Variants in STPG2 observed in about 807,000 individuals in gnomAD.
STPG2 encodes the protein sperm tail PG-rich repeat containing 2.
Under a neutral mutation model 54.2 loss-of-function variants are expected in STPG2, and 56 were observed. The observed-to-expected ratio is 1.03, with a 90% CI of 0.83 to 1.29. The LOEUF is 1.29. Ranked by LOEUF, STPG2 falls within the 50% of genes most tolerant of loss-of-function variation. The pLI is 0.00. For missense variants in STPG2, 596 were observed against 544.9 expected (o/e 1.09, Z -0.93); for synonymous variants, 200 against 181.8 (o/e 1.10, Z -0.81).
At chr4:97,880,171 T>C (rs777047699) in intron 8 of STPG2, among the ~76,000 whole-genome samples, 2 of 152,182 alleles carry the variant, frequency 1.3e-5, no homozygotes, top group Non-Finnish European at 2.9e-5. Context: ...AACTGGAAGA[T>C]ATTATGCTAA....
intron 7 of STPG2, among the ~76,000 whole-genome samples, chr4:97,969,652 G>A (rs933076646): frequency 6.6e-6 from 1 of 152,110 alleles, no homozygotes; most frequent in Non-Finnish European, 1.5e-5. Flanking sequence ...GGTATTGATG[G>A]CACGTATCTC....
intron 3 of STPG2, 30 bp downstream of exon 3, chr4:98,128,398 A>G (rs375989209): frequency 6.6e-7 from 1 of 1,518,360 alleles, no homozygotes; most frequent in Non-Finnish European, 8.8e-7. Context: ...ACAATTTTCC[A>G]ATTGTCAATA....
intron 10 of STPG2, among the ~76,000 whole-genome samples, chr4:97,640,347 CAT>C (rs1721724217): frequency 6.6e-6 from 1 of 151,898 alleles, no homozygotes; most frequent in Non-Finnish European, 1.5e-5. Flanking sequence ...TGCTATATTA[CAT>C]ATATATTTTT....
chr4:98,031,907 G>T (rs1313807463), intron 5 of STPG2, among the ~76,000 whole-genome samples: 4 of 151,888 alleles, frequency 2.6e-5, no homozygotes, highest in Non-Finnish European at 4.4e-5. Context: ...GTGGGCTAAG[G>T]ACATGAATAG....
At chr4:97,975,920 G>T (rs540952922) in intron 6 of STPG2, among the ~76,000 whole-genome samples, 29 of 152,124 alleles carry the variant, frequency 1.9e-4, no homozygotes, top group Non-Finnish European at 3.5e-4. Context: ...GCTGATTTAT[G>T]TTCTGGTAGA....
chr4:97,466,264 C>A (rs1729786415), intron 4 of STPG2, among the ~76,000 whole-genome samples: 1 of 151,940 alleles, frequency 6.6e-6, no homozygotes, highest in Admixed American at 6.6e-5. Context: ...TTTATACAGC[C>A]TTTCTGAGTG....
chr4:97,723,867 G>C (rs982115060), intron 9 of STPG2, among the ~76,000 whole-genome samples: 6 of 152,230 alleles, frequency 3.9e-5, no homozygotes, highest in South Asian at 2.1e-4. Flanking sequence ...AATGGCATAA[G>C]GGAAACTGTT....
chr4:97,825,420 G>A (rs767213054), intron 9 of STPG2, among the ~76,000 whole-genome samples: 9 of 152,186 alleles, frequency 5.9e-5, no homozygotes, highest in African/African-American at 1.2e-4. Context: ...CATGCTCTTC[G>A]ACACCTAGAA....
chr4:97,616,631 A>C (rs1052136544), intron 10 of STPG2, among the ~76,000 whole-genome samples: 1 of 152,088 alleles, frequency 6.6e-6, no homozygotes, highest in African/African-American at 2.4e-5. Flanking sequence ...TCAGAATTGC[A>C]TGATAACTGA....
rs191699881 is a variant in STPG2 at position 97,635,530 on chromosome 4, A to G, written c.1321-76413T>C. ...GTAAATGGACTAAATGCTCCAATTA[A>G]AAGACACAGACTGGCAAATTGGATA... On this transcript the variant is annotated intron_variant, in intron 10 of 10. Transcript: ENST00000295268. 4.1e-3 allele frequency among the ~76,000 whole-genome samples: 629 copies of G among 152,332 alleles called. 3 individuals are homozygous for G. The highest frequency in any genetic ancestry group is 0.02 in the South Asian group (98 of 4,828).
At chr4:97,692,223 C>A (rs1175827340) in intron 10 of STPG2, among the ~76,000 whole-genome samples, 1 of 145,096 alleles carries the variant, frequency 6.9e-6, no homozygotes, top group Non-Finnish European at 1.5e-5. Flanking sequence ...GAAAGTTGAC[C>A]ATTAAGCTAA....
In STPG2 at chr4:97,636,127, T is replaced by C. The variant is rs1721513662; in HGVS notation, c.1320+76572A>G. ...CTCAGCAAATGTAAAAGAACAGACA[T>C]TATAACAAACTATCTCTCAGACCAC... On this transcript the variant is annotated intron_variant, in intron 10 of 10. Transcript: ENST00000295268. Among the ~76,000 whole-genome samples, 6 of 150,858 alleles carry C rather than the reference T, an allele frequency of 4.0e-5. No homozygotes were observed. The South Asian group carries it at 1.3e-3, about 32-fold the overall frequency.
chr4:97,960,735 G>A (rs1006187320), intron 7 of STPG2, among the ~76,000 whole-genome samples: 2 of 152,082 alleles, frequency 1.3e-5, no homozygotes, highest in African/African-American at 4.8e-5. Flanking sequence ...CATACTCATG[G>A]ATGGGTAGAA....
At position 97,597,125 on chromosome 4, in the gene STPG2, G is replaced by A. The variant is rs771731185; in HGVS notation, c.1321-38008C>T. 4.6e-5 allele frequency among the ~76,000 whole-genome samples: 7 copies of A among 151,892 alleles called. No individual in the cohort carries two copies. In the East Asian group the frequency reaches 1.3e-3, roughly 29 times the overall value. ...AATACAAGAATTCTGAGATTACTAC[G>A]AACACCTCTATGCACAAAAATTAGA... On this transcript the variant is annotated intron_variant, in intron 10 of 10. Coordinates refer to ENST00000295268, the MANE Select transcript of STPG2 (RefSeq NM_174952.3).
In STPG2 at chr4:97,530,726, T is replaced by C. The variant is rs192786408; in HGVS notation, c.462+181973A>G. Among the ~76,000 whole-genome samples the C allele has an allele frequency of 1.5e-3, 233 of 152,322 alleles. 1 individual carries two copies. Among genetic ancestry groups the C allele is most frequent in the African/African-American group, 5.6e-3 (231 of 41,584 alleles). Reference sequence around the variant, plus strand: ...AATACCTGGTTTTAACTTCATGTTTTTGAAACAGGTATTGAGAAGGGTCAG... The same window carrying C: ...AATACCTGGTTTTAACTTCATGTTTCTGAAACAGGTATTGAGAAGGGTCAG... On this transcript the variant is annotated intron_variant, in intron 4 of 4. Transcript: ENST00000522676.
intron 10 of STPG2, among the ~76,000 whole-genome samples, chr4:97,687,774 T>C (rs1191512606): frequency 6.6e-6 from 1 of 152,078 alleles, no homozygotes; most frequent in African/African-American, 2.4e-5. Flanking sequence ...CTTTAGAATA[T>C]ATTATAATTT....
chr4:97,752,748 C>G (rs575858730), intron 9 of STPG2, among the ~76,000 whole-genome samples: 1 of 151,826 alleles, frequency 6.6e-6, no homozygotes, highest in Admixed American at 6.6e-5. Context: ...ATCTTGTTTC[C>G]CTCGCCAAGA....
At chr4:97,540,365 G>C (rs1015745163) in intron 4 of STPG2, among the ~76,000 whole-genome samples, 10 of 152,090 alleles carry the variant, frequency 6.6e-5, no homozygotes, top group Admixed American at 5.2e-4. Context: ...AAATAAACTA[G>C]AAAATGTAGA....
intron 9 of STPG2, among the ~76,000 whole-genome samples, chr4:97,740,747 T>C (rs1276242172): frequency 6.6e-6 from 1 of 152,200 alleles, no homozygotes; most frequent in Non-Finnish European, 1.5e-5. Context: ...TCAATGCTCA[T>C]GAGTAGGAAG....
Sources: gnomAD v4.1 joint callset for allele counts (sites outside exome capture counted in the v4.1 genomes callset) on GRCh38, gnomAD v4.1.1 for gene constraint, MANE v1.5 for transcripts, NCBI Gene and HGNC (gene_info 2026-07-23, HGNC 2026-07-21) for gene names.